TMEM131: variants seen among roughly 807,000 people sequenced by gnomAD.
The protein encoded by TMEM131 is transmembrane protein 131.
Under a neutral mutation model 211.6 loss-of-function variants are expected in TMEM131, and 66 were observed. That is an observed-to-expected ratio of 0.31 (90% confidence interval 0.26 to 0.38). The LOEUF is 0.38. TMEM131 is among the 10% of genes least tolerant of loss of function. The pLI, the probability that TMEM131 is intolerant of heterozygous loss-of-function variation, is 1.00. For synonymous variants in TMEM131, 844 were observed against 841.3 expected (o/e 1.00, Z -0.06); for missense variants, 2,036 against 2,299.3 (o/e 0.89, Z 2.34).
At position 97,973,593 on chromosome 2, in the gene TMEM131, T is replaced by C. The variant is rs141407426; in HGVS notation, c.187+21883A>G. On this transcript the variant is annotated intron_variant, in intron 1 of 40. Transcript: ENST00000186436. ...CCTGGAGAACTACAGAGGGTCCCCA[T>C]TGAGTCCTCGGTGAAGTACTGATCA... is the stretch of plus-strand genomic sequence containing the variant. Among the ~76,000 whole-genome samples, 22 of 152,302 alleles carry C rather than the reference T, an allele frequency of 1.4e-4. No homozygotes were observed. The East Asian group carries it at 1.5e-3, about 11-fold the overall frequency.
chr2:97,848,614 C>T (rs901751526), intron 5 of TMEM131, among the ~76,000 whole-genome samples: 4 of 151,914 alleles, frequency 2.6e-5, no homozygotes, highest in Non-Finnish European at 5.9e-5. Flanking sequence ...TTGTTCAGTA[C>T]AGAAGCACTA....
Position 97,794,910 on chromosome 2 carries a change from C to A in TMEM131, c.3386+20G>T. On this transcript the variant is annotated intron_variant, in intron 29 of 40. Transcript: ENST00000186436. Reference sequence around the variant, plus strand: ...TGTTAAATGTTGAATGAATATGAACCTTGAAACAAGACACAATACCTCATT... The same window carrying A: ...TGTTAAATGTTGAATGAATATGAACATTGAAACAAGACACAATACCTCATT... 6.5e-7 allele frequency: 1 copy of A among 1,547,028 alleles called. No individual in the cohort carries two copies. Among genetic ancestry groups the A allele is most frequent in the Non-Finnish European group, 8.7e-7 (1 of 1,144,684 alleles).
intron 1 of TMEM131, among the ~76,000 whole-genome samples, chr2:97,933,669 A>G (rs1426642686): frequency 6.6e-6 from 1 of 152,182 alleles, no homozygotes; most frequent in Non-Finnish European, 1.5e-5. Flanking sequence ...AAAATTACAA[A>G]TTGAACCCAG....
At chr2:97,834,502 T>C (rs925732594) in intron 10 of TMEM131, 119 bp downstream of exon 10, 1 of 817,944 alleles carries the variant, frequency 1.2e-6, no homozygotes, top group Non-Finnish European at 1.9e-6. Context: ...TACAAGATCA[T>C]GCAACCAACT....
intron 35 of TMEM131, 31 bp from the exon 36 acceptor site, chr2:97,762,231 T>C (rs1678892854): frequency 1.2e-6 from 2 of 1,609,974 alleles, no homozygotes; most frequent in African/African-American, 1.3e-5. Flanking sequence ...GGCTCGTTAG[T>C]GTGGTGTTTT....
chr2:97,800,039 A>G (rs1052808049), intron 25 of TMEM131, among the ~76,000 whole-genome samples: 1 of 152,244 alleles, frequency 6.6e-6, no homozygotes, highest in Middle Eastern at 3.2e-3. Flanking sequence ...TGAATGGAAT[A>G]GGTTTATTAT....
intron 31 of TMEM131, among the ~76,000 whole-genome samples, chr2:97,791,113 T>C (rs1258242789): frequency 2.0e-5 from 3 of 152,180 alleles, no homozygotes; most frequent in Admixed American, 6.5e-5. Flanking sequence ...GAAAGGAAGA[T>C]GCAAAAAAGC....
intron 2 of TMEM131, among the ~76,000 whole-genome samples, chr2:97,922,825 T>C (rs961725093): frequency 2.6e-5 from 4 of 152,192 alleles, no homozygotes; most frequent in African/African-American, 4.8e-5. Flanking sequence ...TGGGTGGTGG[T>C]TACACAGGTA....
chr2:97,949,417 CA>C (rs1463368695), intron 1 of TMEM131, among the ~76,000 whole-genome samples: 2 of 152,178 alleles, frequency 1.3e-5, no homozygotes, highest in Non-Finnish European at 2.9e-5. Flanking sequence ...CACGTTCACA[CA>C]ATCTTCACTA....
chr2:97,845,487 C>G (rs549277765), intron 5 of TMEM131, among the ~76,000 whole-genome samples: 3 of 151,952 alleles, frequency 2.0e-5, no homozygotes, highest in African/African-American at 7.3e-5. Context: ...CTAAAATAAG[C>G]CACGGGTGAA....
In TMEM131 at chr2:97,869,122, C is replaced by T. The variant is rs75721594; in HGVS notation, c.360-9695G>A. Reference sequence around the variant, plus strand: ...TTTCTTAAGAAAAAAAATGCTTTTACAATTCAAATAGACTTCAGGCTAACT... The same window carrying T: ...TTTCTTAAGAAAAAAAATGCTTTTATAATTCAAATAGACTTCAGGCTAACT... On this transcript the variant is annotated intron_variant, in intron 4 of 40. Transcript: ENST00000186436. Among the ~76,000 whole-genome samples, 493 of 152,358 alleles carry T rather than the reference C, an allele frequency of 3.2e-3. 7 individuals carry two copies. The East Asian group carries it at 0.041, about 13-fold the overall frequency.
At chr2:97,797,323 T>A in intron 26 of TMEM131, 42 bp downstream of exon 26, 1 of 1,511,624 alleles carries the variant, frequency 6.6e-7, no homozygotes, top group Admixed American at 2.2e-5. Flanking sequence ...GACTTCTAAG[T>A]AAGTAGTAAA....
At chr2:97,917,257 G>A (rs577243624) in intron 2 of TMEM131, among the ~76,000 whole-genome samples, 22 of 152,146 alleles carry the variant, frequency 1.4e-4, no homozygotes, top group Non-Finnish European at 2.1e-4. Context: ...GAGACCATTC[G>A]GGACACAAAC....
chr2:97,840,697 C>T (rs1034121084), intron 7 of TMEM131, among the ~76,000 whole-genome samples: 9 of 151,340 alleles, frequency 5.9e-5, no homozygotes, highest in Non-Finnish European at 8.9e-5. Context: ...ATCAAAAGGA[C>T]GTAAACAACA....
intron 1 of TMEM131, among the ~76,000 whole-genome samples, chr2:97,949,891 T>C (rs1289477913): frequency 6.6e-6 from 1 of 151,984 alleles, no homozygotes; most frequent in Non-Finnish European, 1.5e-5. Context: ...TTGGTTACTT[T>C]TATACAATAG....
At chr2:97,863,841 A>G (rs1270214082) in intron 4 of TMEM131, among the ~76,000 whole-genome samples, 2 of 152,234 alleles carry the variant, frequency 1.3e-5, no homozygotes, top group Non-Finnish European at 2.9e-5. Flanking sequence ...CTAGAAGTAG[A>G]GCTACCATAC....
chr2:97,927,510 C>T (rs184512725), intron 1 of TMEM131, 23 bp from the exon 2 acceptor site: 21 of 1,533,318 alleles, frequency 1.4e-5, no homozygotes, highest in Admixed American at 8.3e-5. Flanking sequence ...CAAAACATAC[C>T]ATCACTTACA....
chr2:97,895,517 A>G (rs1675573215), intron 3 of TMEM131, among the ~76,000 whole-genome samples: 1 of 152,130 alleles, frequency 6.6e-6, no homozygotes, highest in East Asian at 1.9e-4. Flanking sequence ...TTTGGTTGGT[A>G]GGCTATTAAT....
chr2:97,892,814 T>A (rs1675436346), intron 3 of TMEM131, among the ~76,000 whole-genome samples: 1 of 152,238 alleles, frequency 6.6e-6, no homozygotes, highest in Non-Finnish European at 1.5e-5. Context: ...TTAAGTTAAT[T>A]GTGGCGATGG....
Sources: allele counts gnomAD v4.1 joint callset (sites outside exome capture counted in the v4.1 genomes callset), GRCh38; gene constraint gnomAD v4.1.1; transcripts MANE v1.5; gene names NCBI Gene and HGNC (gene_info 2026-07-23, HGNC 2026-07-21).